ARRB1: variants seen among roughly 807,000 people sequenced by gnomAD.
ARRB1 encodes the protein arrestin beta 1, also known as beta-arrestin-1.
A neutral mutation model predicts 56.8 loss-of-function variants in ARRB1; 21 were observed. The observed-to-expected ratio is 0.37, with a 90% CI of 0.26 to 0.53. The LOEUF is 0.53. Among genes scored for constraint, ARRB1 ranks in the 20% least tolerant of loss-of-function variants. The pLI, the probability that ARRB1 is intolerant of heterozygous loss-of-function variation, is 0.88. For synonymous variants in ARRB1, 210 were observed against 218.6 expected, an observed-to-expected ratio of 0.96 and a Z score of 0.35; for missense variants, 424 against 553.7, an observed-to-expected ratio of 0.77 and a Z score of 2.35.
intron 13 of ARRB1, 56 bp downstream of exon 13, chr11:75,271,645 A>T: frequency 6.5e-7 from 1 of 1,530,220 alleles, no homozygotes; most frequent in Non-Finnish European, 8.8e-7. Flanking sequence ...AGTCAAGCCA[A>T]TGGGCTCCAG....
rs1184339740 is a variant in ARRB1 at position 75,266,112 on chromosome 11, CCGAGTGCA to C, written c.*43_*50del. ...GAACAGGAAGAAGACGAGTAAGCATCCGAGTGCACGAGAGTGGAGCCGGAGCCACGTGG... is the reference window on the plus strand; with the variant it reads ...GAACAGGAAGAAGACGAGTAAGCATCCGAGAGTGGAGCCGGAGCCACGTGG... On this transcript the variant is annotated 3_prime_UTR_variant, in exon 16 of 16. Transcript: ENST00000420843. 2.1e-6 allele frequency: 3 copies of C among 1,414,966 alleles called. No homozygotes were observed. Among genetic ancestry groups the C allele is most frequent in the Non-Finnish European group, 3.0e-6 (3 of 999,206 alleles). The allele number at this position is 1,414,966 out of a possible 1,614,324, so 87.7% of individuals were successfully genotyped here. A position where few individuals can be genotyped will look rare whatever the true frequency, so the allele number is the denominator to read the frequency against.
chr11:75,277,500 G>A (rs758714374), intron 8 of ARRB1, 52 bp from the exon 9 acceptor site: 1 of 1,528,998 alleles, frequency 6.5e-7, no homozygotes, highest in Non-Finnish European at 9.1e-7. Flanking sequence ...CAAGGTTCTA[G>A]GGAAAGGGGA....
At chr11:75,327,301 C>CAAAAA (rs777940901) in intron 1 of ARRB1, among the ~76,000 whole-genome samples, 5 of 60,244 alleles carry the variant, frequency 8.3e-5, no homozygotes, top group African/African-American at 2.0e-4. Context: ...AACTCCATCT[C>CAAAAA]AAAAAAAAAA....
intron 1 of ARRB1, chr11:75,335,157 GC>G: frequency 4.0e-6 from 1 of 250,454 alleles, no homozygotes; most frequent in Non-Finnish European, 9.2e-6. Flanking sequence ...CTTCACAAAG[GC>G]CCTGCCTCCA....
Position 75,265,920 on chromosome 11 carries a change from A to T in ARRB1, c.*243T>A. ...GGCAGCTTTTCTGGGAGACAGCATG[A>T]AAAGGAGGGGAGTGGAGATGGCAGA... On this transcript the variant is annotated 3_prime_UTR_variant, in exon 16 of 16. Coordinates refer to ENST00000420843, the MANE Select transcript of ARRB1 (RefSeq NM_004041.5). 1 of 522,836 alleles carries T rather than the reference A, an allele frequency of 1.9e-6. No homozygotes were observed. Among genetic ancestry groups the T allele is most frequent in the South Asian group, 2.2e-5 (1 of 44,882 alleles). 32.4% of individuals were successfully genotyped at this position (522,836 alleles called of 1,614,324 possible).
chr11:75,350,849 C>T (rs945372002), intron 1 of ARRB1, among the ~76,000 whole-genome samples: 6 of 152,156 alleles, frequency 3.9e-5, no homozygotes, highest in African/African-American at 1.4e-4. Flanking sequence ...CCATGTGGGG[C>T]CTGAAGCGTG....
intron 15 of ARRB1, 84 bp from the exon 16 acceptor site, chr11:75,266,358 CAG>C: frequency 2.7e-6 from 3 of 1,131,898 alleles, no homozygotes; most frequent in Non-Finnish European, 4.0e-6. Context: ...AGATGTGACT[CAG>C]AGTATGGCTC....
Position 75,315,775 on chromosome 11 carries a change from G to C in ARRB1, c.21-25736C>G, listed in dbSNP as rs1947254325. On this transcript the variant is annotated intron_variant, in intron 1 of 15. Coordinates refer to ENST00000420843, the MANE Select transcript of ARRB1 (RefSeq NM_004041.5). ...ACTTAGGCATCAGACCATCCACCAG[G>C]ATAAAGAAGCATCTCATGAAAGGCA... 4.6e-5 allele frequency among the ~76,000 whole-genome samples: 7 copies of C among 152,212 alleles called. No homozygotes were observed. The South Asian group carries it at 1.5e-3, about 32-fold the overall frequency.
rs1310005839 is a variant in ARRB1 at position 75,300,121 on chromosome 11, C to T, written c.21-10082G>A. 2.0e-5 allele frequency among the ~76,000 whole-genome samples: 3 copies of T among 148,652 alleles called. No individual in the cohort carries two copies. The East Asian group carries it at 6.0e-4, about 30-fold the overall frequency. On this transcript the variant is annotated intron_variant, in intron 1 of 15. Coordinates refer to ENST00000420843, the MANE Select transcript of ARRB1 (RefSeq NM_004041.5). ...TCAGGAGGCTGAGGCAGGAGAAACA[C>T]TGAACCCAGGAGGCGAGGTTGCAGT...
intron 12 of ARRB1, among the ~76,000 whole-genome samples, chr11:75,272,363 T>G (rs376184760): frequency 2.0e-5 from 3 of 152,342 alleles, no homozygotes; most frequent in East Asian, 3.9e-4. Flanking sequence ...CACTATGACC[T>G]GAGTTAGGAG....
intron 1 of ARRB1, among the ~76,000 whole-genome samples, chr11:75,300,802 T>A (rs11602438): frequency 0.036 from 5,407 of 150,722 alleles, 145 homozygotes; most frequent in Middle Eastern, 0.054. Flanking sequence ...CCGTCTCTAC[T>A]AAAAAACACA....
rs145789574 is a variant in ARRB1 at position 75,350,733 on chromosome 11, G to A, written c.20+855C>T. 2.4e-4 allele frequency among the ~76,000 whole-genome samples: 37 copies of A among 152,370 alleles called. No homozygotes were observed. In the East Asian group the frequency reaches 6.9e-3, roughly 29 times the overall value. On this transcript the variant is annotated intron_variant, in intron 1 of 15. Transcript: ENST00000420843. ...CAGGAGGTCAGAGGGAAAGGGAACA[G>A]AGTAGATGGATGGGATCTATTTGGA...
intron 1 of ARRB1, among the ~76,000 whole-genome samples, chr11:75,332,304 A>G (rs1947534558): frequency 6.6e-6 from 1 of 152,216 alleles, no homozygotes; most frequent in Admixed American, 6.5e-5. Flanking sequence ...TTTCTCTGCC[A>G]TATCTTGAAA....
rs751208803 is a variant in ARRB1 at position 75,303,541 on chromosome 11, C to T, written c.21-13502G>A. On this transcript the variant is annotated intron_variant, in intron 1 of 15. Transcript: ENST00000420843. Reference sequence around the variant, plus strand: ...TTCCTTCCATTCGTCTTTCTTATTTCCCTCCTTTCTTTTCTTCCCTTTATT... The same window carrying T: ...TTCCTTCCATTCGTCTTTCTTATTTTCCTCCTTTCTTTTCTTCCCTTTATT... 38 of 455,446 alleles carry T rather than the reference C, an allele frequency of 8.3e-5. No homozygotes were observed. In the Middle Eastern group the frequency reaches 1.3e-3, roughly 15 times the overall value. 28.2% of individuals were successfully genotyped at this position (455,446 alleles called of 1,614,324 possible).
At chr11:75,319,551 C>A (rs372692055) in intron 1 of ARRB1, among the ~76,000 whole-genome samples, 1 of 152,222 alleles carries the variant, frequency 6.6e-6, no homozygotes, top group Admixed American at 6.5e-5. Flanking sequence ...AGTGTTCCCT[C>A]AGCACCTTGT....
At chr11:75,339,497 C>T (rs1591990499) in intron 1 of ARRB1, among the ~76,000 whole-genome samples, 1 of 152,204 alleles carries the variant, frequency 6.6e-6, no homozygotes, top group Non-Finnish European at 1.5e-5. Flanking sequence ...TTTCTCAAGT[C>T]TGCTGAAGGA....
chr11:75,268,792 G>T, intron 14 of ARRB1, 97 bp downstream of exon 14: 2 of 1,339,438 alleles, frequency 1.5e-6, no homozygotes, highest in South Asian at 1.3e-5. Flanking sequence ...AGAAAAGGGT[G>T]ACTGGGCTGA....
At chr11:75,299,847 G>A (rs1004467039) in intron 1 of ARRB1, among the ~76,000 whole-genome samples, 3 of 152,130 alleles carry the variant, frequency 2.0e-5, no homozygotes, top group African/African-American at 7.2e-5. Flanking sequence ...AATAAATATA[G>A]GATGACTATG....
intron 1 of ARRB1, among the ~76,000 whole-genome samples, chr11:75,296,189 A>T (rs11822845): frequency 0.012 from 1,850 of 150,606 alleles, 35 homozygotes; most frequent in African/African-American, 0.04. Flanking sequence ...TTGTCTCAAA[A>T]AAAAAAAAAA....
Sources: gnomAD v4.1 joint callset for allele counts (sites outside exome capture counted in the v4.1 genomes callset) on GRCh38, gnomAD v4.1.1 for gene constraint, MANE v1.5 for transcripts, NCBI Gene and HGNC (gene_info 2026-07-23, HGNC 2026-07-21) for gene names.